Variants in HS6ST3 observed in about 807,000 individuals in gnomAD.
HS6ST3 encodes the protein heparan sulfate 6-O-sulfotransferase 3.
In HS6ST3, 12 loss-of-function variants were observed where a neutral mutation model predicts 36.7. The ratio of observed to expected loss-of-function variants is 0.33; its 90% confidence interval spans 0.21 to 0.53. The LOEUF is 0.53. Ranked by LOEUF, HS6ST3 falls within the 20% of genes least tolerant of loss-of-function variation. The pLI is 0.95. For missense variants in HS6ST3, 584 were observed against 640.9 expected, an observed-to-expected ratio of 0.91 and a Z score of 0.96; for synonymous variants, 240 against 257.5, an observed-to-expected ratio of 0.93 and a Z score of 0.65.
At chr13:96,665,793 GTTTAATAC>G (rs1432407880) in intron 1 of HS6ST3, among the ~76,000 whole-genome samples, 1 of 152,126 alleles carries the variant, frequency 6.6e-6, no homozygotes, top group Non-Finnish European at 1.5e-5. Flanking sequence ...TACAGGAATA[GTTTAATAC>G]TTTAAGTCTT....
chr13:96,515,847 T>C (rs1434224588), intron 1 of HS6ST3, among the ~76,000 whole-genome samples: 1 of 152,162 alleles, frequency 6.6e-6, no homozygotes, highest in Non-Finnish European at 1.5e-5. Context: ...GGTATGTCTT[T>C]ATAGTGGTAT....
intron 1 of HS6ST3, among the ~76,000 whole-genome samples, chr13:96,471,789 C>T (rs997057238): frequency 2.6e-5 from 4 of 152,142 alleles, no homozygotes; most frequent in Admixed American, 2.0e-4. Flanking sequence ...GGAATGGAAT[C>T]GTGCTTATAT....
At chr13:96,802,318 C>A (rs530192506) in intron 1 of HS6ST3, among the ~76,000 whole-genome samples, 2 of 152,244 alleles carry the variant, frequency 1.3e-5, no homozygotes, top group African/African-American at 2.4e-5. Context: ...TATAGAAAAC[C>A]AAGAGGGTCT....
At chr13:96,824,234 G>C (rs948389663) in intron 1 of HS6ST3, among the ~76,000 whole-genome samples, 2 of 152,230 alleles carry the variant, frequency 1.3e-5, no homozygotes, top group Non-Finnish European at 2.9e-5. Context: ...TGAGGGAGAA[G>C]GTAATGGCAG....
chr13:96,301,894 C>T, intron 1 of HS6ST3, among the ~76,000 whole-genome samples: 1 of 135,988 alleles, frequency 7.4e-6, no homozygotes. Flanking sequence ...AATGAGACTC[C>T]ATCTATAATA....
intron 1 of HS6ST3, among the ~76,000 whole-genome samples, chr13:96,727,173 T>C (rs900025525): frequency 1.3e-5 from 2 of 152,194 alleles, no homozygotes; most frequent in Non-Finnish European, 2.9e-5. Context: ...TAAATGGAGT[T>C]AGATACACTT....
At chr13:96,298,850 T>G (rs1324636940) in intron 1 of HS6ST3, among the ~76,000 whole-genome samples, 1 of 152,096 alleles carries the variant, frequency 6.6e-6, no homozygotes, top group African/African-American at 2.4e-5. Context: ...ATACATGGAA[T>G]TAAGTGGAAG....
intron 1 of HS6ST3, among the ~76,000 whole-genome samples, chr13:96,250,017 C>T (rs966409656): frequency 2.6e-5 from 4 of 152,146 alleles, no homozygotes; most frequent in South Asian, 2.1e-4. Flanking sequence ...AGAATGACAG[C>T]GATGTTTGTA....
intron 1 of HS6ST3, among the ~76,000 whole-genome samples, chr13:96,101,846 C>CCT: frequency 6.6e-6 from 1 of 152,236 alleles, no homozygotes; most frequent in African/African-American, 2.4e-5. Context: ...TCTTTTCTCT[C>CCT]CTCTCTCTCT....
intron 1 of HS6ST3, among the ~76,000 whole-genome samples, chr13:96,430,222 G>A (rs1260066100): frequency 1.3e-5 from 2 of 152,030 alleles, no homozygotes; most frequent in Non-Finnish European, 2.9e-5. Context: ...CCTAATTTCT[G>A]GCTTCATTGG....
At chr13:96,237,716 A>G (rs1249096241) in intron 1 of HS6ST3, among the ~76,000 whole-genome samples, 1 of 152,204 alleles carries the variant, frequency 6.6e-6, no homozygotes, top group Admixed American at 6.5e-5. Flanking sequence ...AAGGTCATGA[A>G]TGAGCTTTGT....
intron 1 of HS6ST3, among the ~76,000 whole-genome samples, chr13:96,821,553 A>T (rs1284690748): frequency 6.6e-6 from 1 of 152,228 alleles, no homozygotes; most frequent in Non-Finnish European, 1.5e-5. Context: ...TTAGAAATGT[A>T]CTTGGACATA....
At chr13:96,339,291 C>A (rs553401402) in intron 1 of HS6ST3, among the ~76,000 whole-genome samples, 2 of 152,180 alleles carry the variant, frequency 1.3e-5, no homozygotes, top group Admixed American at 1.3e-4. Context: ...AGCCTAAAAT[C>A]GTTGTTGGTT....
intron 1 of HS6ST3, among the ~76,000 whole-genome samples, chr13:96,528,647 G>C (rs901878972): frequency 5.3e-5 from 8 of 152,068 alleles, no homozygotes; most frequent in Admixed American, 6.6e-5. Context: ...CTATAACACT[G>C]TACAAAAGGT....
At chr13:96,520,463 GA>G (rs2056088673) in intron 1 of HS6ST3, among the ~76,000 whole-genome samples, 1 of 152,128 alleles carries the variant, frequency 6.6e-6, no homozygotes, top group South Asian at 2.1e-4. Context: ...CCATTTTCAT[GA>G]TATTGATTCT....
intron 1 of HS6ST3, among the ~76,000 whole-genome samples, chr13:96,673,383 G>T (rs775559617): frequency 2.6e-5 from 4 of 152,120 alleles, no homozygotes; most frequent in Non-Finnish European, 5.9e-5. Flanking sequence ...CTATTATTCA[G>T]CCATATATAG....
At chr13:96,558,711 A>T (rs1376093911) in intron 1 of HS6ST3, among the ~76,000 whole-genome samples, 2 of 152,220 alleles carry the variant, frequency 1.3e-5, no homozygotes, top group African/African-American at 4.8e-5. Context: ...TCACATAACC[A>T]TTTCAATCCT....
chr13:96,634,617 C>T (rs1169429672), intron 1 of HS6ST3, among the ~76,000 whole-genome samples: 1 of 152,084 alleles, frequency 6.6e-6, no homozygotes, highest in Non-Finnish European at 1.5e-5. Flanking sequence ...TCTACATTGG[C>T]TTCACTCTAC....
chr13:96,777,917 C>T (rs972388255), intron 1 of HS6ST3, among the ~76,000 whole-genome samples: 2 of 152,152 alleles, frequency 1.3e-5, no homozygotes, highest in African/African-American at 4.8e-5. Context: ...TACCTGACTT[C>T]AAACTATACT....
Sources: gnomAD v4.1 joint callset for allele counts (sites outside exome capture counted in the v4.1 genomes callset) on GRCh38, gnomAD v4.1.1 for gene constraint, MANE v1.5 for transcripts, NCBI Gene and HGNC (gene_info 2026-07-23, HGNC 2026-07-21) for gene names.